The following ATP8B4 variants were observed in gnomAD, a reference collection of about 807,000 sequenced individuals.
ATP8B4 encodes probable phospholipid-transporting ATPase IM.
In ATP8B4, 133 loss-of-function variants were observed where a neutral mutation model predicts 145.6. The ratio of observed to expected loss-of-function variants is 0.91; its 90% confidence interval spans 0.79 to 1.05. The LOEUF is 1.05. Ranked by LOEUF, ATP8B4 falls within the 50% of genes least tolerant of loss-of-function variation. The probability of loss-of-function intolerance (pLI) is 0.00; values close to 1 mark genes in which losing one functional copy is unlikely to be tolerated. For synonymous variants in ATP8B4, 507 were observed against 492.9 expected (o/e 1.03, Z -0.38); for missense variants, 1,458 against 1,425.2 (o/e 1.02, Z -0.37).
intron 10 of ATP8B4, among the ~76,000 whole-genome samples, chr15:49,986,349 T>C (rs556097440): frequency 2.0e-5 from 3 of 152,210 alleles, no homozygotes; most frequent in Admixed American, 6.5e-5. Context: ...GATAAAGGAA[T>C]GTTCATGGTC....
chr15:49,931,987 T>C (rs1379203541), intron 15 of ATP8B4, among the ~76,000 whole-genome samples: 7 of 151,600 alleles, frequency 4.6e-5, no homozygotes, highest in Non-Finnish European at 1.5e-5. Context: ...TATGTATATA[T>C]ACATATAGAG....
intron 1 of ATP8B4, among the ~76,000 whole-genome samples, chr15:50,171,137 C>T (rs1411324731): frequency 1.3e-5 from 2 of 152,156 alleles, no homozygotes; most frequent in African/African-American, 2.4e-5. Context: ...CCACTGACAG[C>T]ACTAGACAGG....
At chr15:49,875,682 T>C (rs1179486542) in intron 25 of ATP8B4, among the ~76,000 whole-genome samples, 1 of 152,144 alleles carries the variant, frequency 6.6e-6, no homozygotes, top group Non-Finnish European at 1.5e-5. Context: ...ATAAAAGTTT[T>C]TGTGAACTCT....
rs537350424 is a variant in ATP8B4, at chr15:49,913,421, G to A, written c.2141+3513C>T. Among the ~76,000 whole-genome samples, 11 of 152,152 alleles carry A rather than the reference G, an allele frequency of 7.2e-5. No individual in the cohort carries two copies. In the South Asian group the frequency reaches 1.2e-3, roughly 17 times the overall value. On this transcript the variant is annotated intron_variant, in intron 20 of 27. Coordinates refer to ENST00000284509, the MANE Select transcript of ATP8B4 (RefSeq NM_024837.4). ...TGACACCCACAGCTAACATCATACTGAATGAGGAAGAGTTGAAACCCTTTT... is the reference window on the plus strand; with the variant it reads ...TGACACCCACAGCTAACATCATACTAAATGAGGAAGAGTTGAAACCCTTTT...
intron 20 of ATP8B4, among the ~76,000 whole-genome samples, chr15:49,911,347 A>G (rs1488674135): frequency 2.0e-5 from 3 of 152,116 alleles, no homozygotes; most frequent in Non-Finnish European, 4.4e-5. Flanking sequence ...CACAAACAGA[A>G]ACCAAAAGCA....
Position 50,074,159 on chromosome 15 carries a change from C to T in ATP8B4, c.55G>A (p.Asp19Asn), listed in dbSNP as rs769131556. ...TGGAACTTTTCATTATATTCACGGT[C>T]ATTGGCTTTCACTATCCGTTCCACT... ...REVERIVKAN[D>N]REYNEKFQYA... The change falls in exon 3 of 28, where the codon GAC (aspartate) becomes AAC (asparagine). Residue 19 changes from aspartate to asparagine, a missense_variant. Asp to Asn is a conservative substitution (Grantham distance 23). Transcript: ENST00000284509. The T allele has an allele frequency of 1.2e-6, 2 of 1,612,970 alleles. No individual in the cohort carries two copies. The highest frequency in any genetic ancestry group is 8.5e-7 in the Non-Finnish European group (1 of 1,179,312).
intron 26 of ATP8B4, among the ~76,000 whole-genome samples, chr15:49,863,830 T>C (rs2153373660): frequency 6.6e-6 from 1 of 152,340 alleles, no homozygotes; most frequent in East Asian, 1.9e-4. Context: ...AAAATTTTCC[T>C]GAAACCCCAA....
chr15:50,155,345 TTA>T (rs958711755), intron 1 of ATP8B4, among the ~76,000 whole-genome samples: 1 of 152,152 alleles, frequency 6.6e-6, no homozygotes, highest in Admixed American at 6.5e-5. Flanking sequence ...AACTATAAAG[TTA>T]TATGTTTATA....
chr15:50,055,512 G>C (rs1005338694), intron 3 of ATP8B4, among the ~76,000 whole-genome samples: 3 of 152,182 alleles, frequency 2.0e-5, no homozygotes, highest in Non-Finnish European at 2.9e-5. Flanking sequence ...AGCCCCAGGA[G>C]CTTTTGCAAT....
At chr15:49,999,890 CT>C (rs1384405232) in intron 8 of ATP8B4, among the ~76,000 whole-genome samples, 1 of 152,126 alleles carries the variant, frequency 6.6e-6, no homozygotes, top group Non-Finnish European at 1.5e-5. Context: ...CTAATCTGTT[CT>C]CTATTTCCAT....
At chr15:50,010,062 G>A (rs998847473) in intron 7 of ATP8B4, among the ~76,000 whole-genome samples, 6 of 152,206 alleles carry the variant, frequency 3.9e-5, no homozygotes, top group Non-Finnish European at 7.4e-5. Context: ...AATAACTCTT[G>A]GGGCCATATT....
chr15:49,871,952 A>G (rs8042458), intron 25 of ATP8B4, among the ~76,000 whole-genome samples: 47,137 of 152,008 alleles, frequency 0.31, 8,044 homozygotes, highest in African/African-American at 0.44. Flanking sequence ...CTGGGAGTAT[A>G]TGGATAAGGT....
At chr15:50,048,133 G>C (rs1206612637) in intron 3 of ATP8B4, among the ~76,000 whole-genome samples, 1 of 152,126 alleles carries the variant, frequency 6.6e-6, no homozygotes, top group Non-Finnish European at 1.5e-5. Context: ...CCTGTCGTCA[G>C]GTAAAGAGCA....
At chr15:50,153,782 A>C (rs2044379168) in intron 1 of ATP8B4, among the ~76,000 whole-genome samples, 1 of 152,246 alleles carries the variant, frequency 6.6e-6, no homozygotes, top group East Asian at 1.9e-4. Flanking sequence ...TGAAATTATC[A>C]TTCTGATTGA....
chr15:49,916,198 T>C (rs17494791), intron 20 of ATP8B4, among the ~76,000 whole-genome samples: 2,129 of 152,166 alleles, frequency 0.014, 31 homozygotes, highest in Non-Finnish European at 0.018. Flanking sequence ...TAAACGTTCT[T>C]CTCCAAATAA....
intron 16 of ATP8B4, among the ~76,000 whole-genome samples, chr15:49,926,104 G>A (rs2040697214): frequency 1.3e-5 from 2 of 151,854 alleles, no homozygotes; most frequent in Non-Finnish European, 2.9e-5. Context: ...ATGGCTTCAG[G>A]TTCCAACACC....
At chr15:49,963,555 A>G (rs1296008587) in intron 13 of ATP8B4, among the ~76,000 whole-genome samples, 1 of 152,218 alleles carries the variant, frequency 6.6e-6, no homozygotes, top group Non-Finnish European at 1.5e-5. Flanking sequence ...TGGTACATAT[A>G]CACTATGGAA....
chr15:49,941,903 G>T (rs1440387264), intron 14 of ATP8B4, among the ~76,000 whole-genome samples: 1 of 152,182 alleles, frequency 6.6e-6, no homozygotes, highest in Admixed American at 6.5e-5. Context: ...CTTGGATGAG[G>T]TTGGAGCCCA....
chr15:50,120,944 T>C (rs1267608347), upstream of ATP8B4, among the ~76,000 whole-genome samples: 1 of 152,118 alleles, frequency 6.6e-6, no homozygotes, highest in East Asian at 1.9e-4. Flanking sequence ...CCTCATAGGA[T>C]TGTTGCAACT....
Sources: allele counts gnomAD v4.1 joint callset (sites outside exome capture counted in the v4.1 genomes callset), GRCh38; gene constraint gnomAD v4.1.1; transcripts MANE v1.5; gene names NCBI Gene and HGNC (gene_info 2026-07-23, HGNC 2026-07-21).